ZNF385D: variants seen among roughly 807,000 people sequenced by gnomAD.
ZNF385D encodes the protein zinc finger protein 659.
ZNF385D carries 15 observed loss-of-function variants against 35.8 expected under a neutral mutation model. The ratio of observed to expected loss-of-function variants is 0.42; its 90% CI spans 0.28 to 0.64. ZNF385D has a LOEUF of 0.64. Ranked by LOEUF, ZNF385D falls within the 30% of genes least tolerant of loss-of-function variation. ZNF385D has a pLI of 0.23. For synonymous variants in ZNF385D, 212 were observed against 186.8 expected, an observed-to-expected ratio of 1.13 and a Z score of -1.10; for missense variants, 474 against 494.6, an observed-to-expected ratio of 0.96 and a Z score of 0.39.
At chr3:22,224,061 T>C (rs1326098870) in intron 2 of ZNF385D, among the ~76,000 whole-genome samples, 1 of 152,140 alleles carries the variant, frequency 6.6e-6, no homozygotes, top group African/African-American at 2.4e-5. Flanking sequence ...TTATCCCAAG[T>C]ATATGCAAGA....
At chr3:21,855,616 G>A (rs752203223) in intron 3 of ZNF385D, among the ~76,000 whole-genome samples, 7 of 151,920 alleles carry the variant, frequency 4.6e-5, no homozygotes, top group African/African-American at 1.7e-4. Context: ...ATCCAAATAA[G>A]ATATATACCA....
At chr3:22,344,493 G>A (rs1695565617) in intron 2 of ZNF385D, among the ~76,000 whole-genome samples, 1 of 152,136 alleles carries the variant, frequency 6.6e-6, no homozygotes, top group Admixed American at 6.6e-5. Context: ...GGGCTCAAGT[G>A]ATTCTCCTGC....
At chr3:22,139,321 T>C (rs1704348756) in intron 3 of ZNF385D, among the ~76,000 whole-genome samples, 1 of 152,222 alleles carries the variant, frequency 6.6e-6, no homozygotes, top group Admixed American at 6.5e-5. Context: ...TACACATATG[T>C]TTAATGCGGC....
intron 4 of ZNF385D, among the ~76,000 whole-genome samples, chr3:21,455,872 T>A (rs1702774751): frequency 6.6e-6 from 1 of 151,484 alleles, no homozygotes; most frequent in South Asian, 2.1e-4. Context: ...GAATCTACAA[T>A]GAACTCAAAC....
intron 2 of ZNF385D, among the ~76,000 whole-genome samples, chr3:21,573,259 T>C (rs879393821): frequency 8.5e-5 from 13 of 152,138 alleles, no homozygotes; most frequent in Admixed American, 3.9e-4. Context: ...GGCAAAATGG[T>C]TAAGGTGCAT....
intron 1 of ZNF385D, among the ~76,000 whole-genome samples, chr3:21,723,648 T>C (rs1039454925): frequency 9.2e-5 from 14 of 152,242 alleles, no homozygotes; most frequent in African/African-American, 2.2e-4. Context: ...TATGGGACTA[T>C]GTGAAAAGAC....
intron 3 of ZNF385D, among the ~76,000 whole-genome samples, chr3:21,820,038 A>G (rs2073335928): frequency 6.6e-6 from 1 of 151,298 alleles, no homozygotes; most frequent in African/African-American, 2.4e-5. Context: ...GATTAAGCAT[A>G]TAAAAAACAG....
At chr3:21,575,015 A>G (rs3965331) in intron 2 of ZNF385D, among the ~76,000 whole-genome samples, 104,444 of 152,046 alleles carry the variant, frequency 0.69, 36,920 homozygotes, top group African/African-American at 0.87. Flanking sequence ...ACATAAAACA[A>G]CTGGAAGCAA....
At chr3:21,942,371 T>C (rs1205026815) in intron 3 of ZNF385D, among the ~76,000 whole-genome samples, 2 of 152,212 alleles carry the variant, frequency 1.3e-5, no homozygotes, top group Non-Finnish European at 2.9e-5. Flanking sequence ...TAATTTCTAG[T>C]GAGTCATCCT....
intron 4 of ZNF385D, chr3:21,443,290 C>T: frequency 1.0e-6 from 1 of 985,346 alleles, no homozygotes; most frequent in Non-Finnish European, 1.2e-6. Context: ...TGAGGGGATT[C>T]TTTATTCTCC....
In ZNF385D at chr3:22,046,979, A is replaced by T. The variant is rs568207188; in HGVS notation, c.325+121838T>A. Among the ~76,000 whole-genome samples the T allele has an allele frequency of 5.9e-5, 9 of 152,250 alleles. No homozygotes were observed. In the East Asian group the frequency reaches 1.7e-3, roughly 29 times the overall value. ...GATTAGATTATATCTAATTTGAATA[A>T]ACAAACAACACATATTTTTGATTAA... On this transcript the variant is annotated intron_variant, in intron 3 of 5. Transcript: ENST00000494108.
chr3:22,178,604 G>T (rs4634148), intron 2 of ZNF385D, among the ~76,000 whole-genome samples: 1 of 151,860 alleles, frequency 6.6e-6, no homozygotes, highest in Non-Finnish European at 1.5e-5. Context: ...CCATTTGTCA[G>T]TTTTGGCTTT....
chr3:22,164,930 T>G (rs748854927), intron 3 of ZNF385D, among the ~76,000 whole-genome samples: 1 of 152,126 alleles, frequency 6.6e-6, no homozygotes, highest in African/African-American at 2.4e-5. Context: ...GGCTACATAG[T>G]ATGTAATTCA....
intron 2 of ZNF385D, among the ~76,000 whole-genome samples, chr3:22,201,654 A>G (rs957430635): frequency 6.6e-6 from 1 of 152,040 alleles, no homozygotes; most frequent in African/African-American, 2.4e-5. Flanking sequence ...GATGTTTAAT[A>G]TTGTTTTTCT....
At chr3:22,129,547 G>C (rs1032250596) in intron 3 of ZNF385D, among the ~76,000 whole-genome samples, 1 of 152,130 alleles carries the variant, frequency 6.6e-6, no homozygotes, top group African/African-American at 2.4e-5. Flanking sequence ...TTGCAAGACA[G>C]AATCCTCTTT....
chr3:21,715,918 A>G (rs1168373533), intron 1 of ZNF385D, among the ~76,000 whole-genome samples: 1 of 152,184 alleles, frequency 6.6e-6, no homozygotes, highest in Non-Finnish European at 1.5e-5. Context: ...TTGCATGTCC[A>G]AAACCAAACT....
chr3:22,129,053 A>T (rs1703617670), intron 3 of ZNF385D, among the ~76,000 whole-genome samples: 1 of 152,192 alleles, frequency 6.6e-6, no homozygotes, highest in African/African-American at 2.4e-5. Flanking sequence ...GCAGCACCCT[A>T]TGCCCAGCAA....
intron 2 of ZNF385D, among the ~76,000 whole-genome samples, chr3:22,236,228 T>A (rs1372599161): frequency 6.6e-6 from 1 of 152,216 alleles, no homozygotes; most frequent in African/African-American, 2.4e-5. Flanking sequence ...ATTTTATGTA[T>A]ACGTGTATTT....
chr3:22,250,340 AGATTTT>A (rs1699999709), intron 2 of ZNF385D, among the ~76,000 whole-genome samples: 1 of 150,728 alleles, frequency 6.6e-6, no homozygotes, highest in African/African-American at 2.4e-5. Context: ...TTATCAATTT[AGATTTT>A]AAGAAACACT....
Sources: gnomAD v4.1 joint callset for allele counts (sites outside exome capture counted in the v4.1 genomes callset) on GRCh38, gnomAD v4.1.1 for gene constraint, MANE v1.5 for transcripts, NCBI Gene and HGNC (gene_info 2026-07-23, HGNC 2026-07-21) for gene names.